The following CFAP300 variants were observed in gnomAD, a reference collection of about 807,000 sequenced individuals.
The protein encoded by CFAP300 is cilia and flagella associated protein 300, also known as cilia- and flagella-associated protein 300.
CFAP300 carries 32 observed loss-of-function variants against 33.0 expected under a neutral mutation model. The ratio of observed to expected loss-of-function variants is 0.97; its 90% CI spans 0.73 to 1.30. The LOEUF (loss-of-function observed/expected upper bound fraction) is 1.30. CFAP300 is among the 50% of genes most tolerant of loss of function. CFAP300 has a pLI of 0.00. For missense variants in CFAP300, 356 were observed against 318.1 expected, an observed-to-expected ratio of 1.12 and a Z score of -0.90; for synonymous variants, 102 against 106.8, an observed-to-expected ratio of 0.95 and a Z score of 0.28.
chr11:102,066,975 G>C (rs540588837), intron 4 of CFAP300, among the ~76,000 whole-genome samples: 2 of 152,326 alleles, frequency 1.3e-5, no homozygotes, highest in African/African-American at 4.8e-5. Flanking sequence ...GCTGAAGCAG[G>C]AAAGTCCTGG....
intron 1 of CFAP300, 58 bp from the exon 2 acceptor site, chr11:102,047,757 G>C (rs1941904370): frequency 6.3e-7 from 1 of 1,584,654 alleles, no homozygotes; most frequent in East Asian, 2.3e-5. Flanking sequence ...ATCGGTTATC[G>C]GTGCGCTCTG....
Position 102,081,276 on chromosome 11 carries a change from G to T in CFAP300, c.670G>T (p.Ala224Ser), listed in dbSNP as rs1942469153. 3 of 1,611,726 alleles carry T rather than the reference G, an allele frequency of 1.9e-6. No individual in the cohort carries two copies. The highest frequency in any genetic ancestry group is 2.5e-6 in the Non-Finnish European group (3 of 1,179,260). The change falls in exon 6 of 7, where the codon GCT becomes TCT. Residue 224 changes from alanine (A) to serine (S), a missense_variant. Ala to Ser is a moderately conservative substitution (Grantham distance 99). Coordinates refer to ENST00000434758, the MANE Select transcript of CFAP300 (RefSeq NM_032930.3). ...QITSSVFKVS[A>S]YDSAGMCYPS... ...TACCTCTTCTGTCTTTAAAGTTTCA[G>T]CTTATGTAAGTGTGAGAGAACTTTT...
intron 2 of CFAP300, among the ~76,000 whole-genome samples, chr11:102,049,379 C>T (rs576769165): frequency 2.0e-5 from 3 of 152,176 alleles, no homozygotes; most frequent in Non-Finnish European, 2.9e-5. Context: ...AATTAAGGGC[C>T]CCGCATAACC....
chr11:102,047,680 T>C lies in CFAP300; in HGVS notation c.110+100T>C, dbSNP rs547842216. The C allele has an allele frequency of 2.9e-5, 42 of 1,455,252 alleles. No individual in the cohort carries two copies. In the African/African-American group the frequency reaches 4.2e-4, roughly 15 times the overall value. 90.1% of individuals were successfully genotyped at this position (1,455,252 alleles called of 1,614,324 possible). ...GGGCCCGCGCGGGTCGGCGCCATTC[T>C]GAGTGAACCCTGAGGCTTCCTGAGT... On this transcript the variant is annotated intron_variant, in intron 1 of 6. Transcript: ENST00000434758.
In CFAP300 at chr11:102,075,923, TA is replaced by T; in HGVS notation, c.487del (p.Arg163GlufsTer24). On this transcript the variant is annotated frameshift_variant, in exon 5 of 7. Coordinates refer to ENST00000434758, the MANE Select transcript of CFAP300 (RefSeq NM_032930.3). LOFTEE classifies it high-confidence loss of function. ...EKYEIFSQPD[R>X]EEFLFCLFKH... ...AATATGAAATATTCAGCCAACCAGATAGAGAAGAGTTCCTGTTTTGTCTTTT... is the reference window on the plus strand; with the variant it reads ...AATATGAAATATTCAGCCAACCAGATGAGAAGAGTTCCTGTTTTGTCTTTT... 6.2e-7 allele frequency: 1 copy of T among 1,613,834 alleles called. No homozygotes were observed. The highest frequency in any genetic ancestry group is 8.5e-7 in the Non-Finnish European group (1 of 1,179,876).
At chr11:102,052,980 C>G (rs1941992987) in intron 2 of CFAP300, among the ~76,000 whole-genome samples, 1 of 152,234 alleles carries the variant, frequency 6.6e-6, no homozygotes, top group Non-Finnish European at 1.5e-5. Context: ...GTAATCCCAG[C>G]ACTTTGGGAG....
intron 4 of CFAP300, among the ~76,000 whole-genome samples, chr11:102,067,799 T>A (rs1942251155): frequency 6.6e-6 from 1 of 152,116 alleles, no homozygotes. Flanking sequence ...TCCAGCTACT[T>A]GGGAAGCTGA....
At chr11:102,047,953 C>G (rs1941909675) in intron 2 of CFAP300, 57 bp downstream of exon 2, 2 of 1,552,198 alleles carry the variant, frequency 1.3e-6, no homozygotes, top group African/African-American at 1.4e-5. Flanking sequence ...AACTTCCCCC[C>G]AAGTTGGCAT....
chr11:102,047,621 T>C (rs1231188299), intron 1 of CFAP300, 41 bp downstream of exon 1: 1 of 1,523,056 alleles, frequency 6.6e-7, no homozygotes, highest in South Asian at 1.2e-5. Context: ...GCCCTTGGTC[T>C]TCGCGGCTGT....
intron 3 of CFAP300, among the ~76,000 whole-genome samples, chr11:102,061,059 C>T (rs1415705807): frequency 6.6e-6 from 1 of 152,210 alleles, no homozygotes; most frequent in Non-Finnish European, 1.5e-5. Flanking sequence ...GCTCAACCCT[C>T]TCCCCATGTT....
chr11:102,059,198 T>C (rs34094892), intron 3 of CFAP300, among the ~76,000 whole-genome samples: 1 of 152,250 alleles, frequency 6.6e-6, no homozygotes, highest in Non-Finnish European at 1.5e-5. Context: ...GTATTTATTG[T>C]GTATTTTCCA....
In CFAP300 at chr11:102,066,802, G is replaced by T. The variant is rs998954185; in HGVS notation, c.435+151G>T. On this transcript the variant is annotated intron_variant, in intron 4 of 6. Coordinates refer to ENST00000434758, the MANE Select transcript of CFAP300 (RefSeq NM_032930.3). Reference sequence around the variant, plus strand: ...ATCGGTAATAATCCTAACATTGGTAGATTTCTACTTAGATGGCACTTTAAC... The same window carrying T: ...ATCGGTAATAATCCTAACATTGGTATATTTCTACTTAGATGGCACTTTAAC... The T allele has an allele frequency of 4.7e-6, 3 of 636,122 alleles. No individual in the cohort carries two copies. The African/African-American group carries it at 5.7e-5, about 12-fold the overall frequency. The allele number at this position is 636,122 out of a possible 1,614,324, so 39.4% of individuals were successfully genotyped here. A position where few individuals can be genotyped will look rare whatever the true frequency, so the allele number is the denominator to read the frequency against.
chr11:102,056,571 A>C (rs530584872), intron 2 of CFAP300, among the ~76,000 whole-genome samples: 4 of 151,858 alleles, frequency 2.6e-5, no homozygotes, highest in African/African-American at 9.7e-5. Context: ...CTTTTCCTAA[A>C]GTTTATTGGC....
intron 5 of CFAP300, among the ~76,000 whole-genome samples, chr11:102,077,592 C>T (rs150564737): frequency 1.4e-3 from 215 of 152,212 alleles, no homozygotes; most frequent in Admixed American, 2.4e-3. Flanking sequence ...TTTTTTGAGA[C>T]GGAGTCTCAC....
intron 4 of CFAP300, among the ~76,000 whole-genome samples, chr11:102,074,430 A>G (rs1942367392): frequency 1.3e-5 from 2 of 152,164 alleles, no homozygotes; most frequent in Admixed American, 1.3e-4. Context: ...ACTCCCAGCC[A>G]ATCCCAGCTC....
intron 4 of CFAP300, among the ~76,000 whole-genome samples, chr11:102,070,910 A>G (rs1024727953): frequency 2.8e-4 from 43 of 152,198 alleles, no homozygotes; most frequent in African/African-American, 1.0e-3. Flanking sequence ...ATGAGAAGAT[A>G]CTTGGTATGT....
chr11:102,076,039 TG>T lies in CFAP300; in HGVS notation c.604del (p.Val202Ter), dbSNP rs1269171103. On this transcript the variant is annotated frameshift_variant, in exon 5 of 7. Transcript: ENST00000434758. LOFTEE classifies it high-confidence loss of function. ...LETTKLIYKD[L>X]VSVRKNPQTK... ...ACAACAAAGCTTATCTATAAGGATC[TG>T]GTGAGGTAATGTTGCTAGATCACAA... 2.5e-6 allele frequency: 4 copies of T among 1,607,604 alleles called. No homozygotes were observed. In the East Asian group the frequency reaches 6.7e-5, roughly 27 times the overall value.
At chr11:102,068,824 A>G (rs1396073611) in intron 4 of CFAP300, among the ~76,000 whole-genome samples, 6 of 152,166 alleles carry the variant, frequency 3.9e-5, no homozygotes, top group African/African-American at 9.6e-5. Flanking sequence ...AAAAAATACT[A>G]TGCAGTAGGG....
Position 102,070,104 on chromosome 11 carries a change from G to C in CFAP300, c.435+3453G>C, listed in dbSNP as rs114811285. 3.4e-3 allele frequency among the ~76,000 whole-genome samples: 524 copies of C among 152,142 alleles called. 1 individual carries two copies. Among genetic ancestry groups the C allele is most frequent in the African/African-American group, 0.012 (485 of 41,496 alleles). Reference sequence around the variant, plus strand: ...AGATCTTCAGATAGTTGCAAACATGGGCCTCAATAACACATCATCATTTTC... The same window carrying C: ...AGATCTTCAGATAGTTGCAAACATGCGCCTCAATAACACATCATCATTTTC... On this transcript the variant is annotated intron_variant, in intron 4 of 6. Coordinates refer to ENST00000434758, the MANE Select transcript of CFAP300 (RefSeq NM_032930.3).
Sources: allele counts gnomAD v4.1 joint callset (sites outside exome capture counted in the v4.1 genomes callset), GRCh38; gene constraint gnomAD v4.1.1; transcripts MANE v1.5; gene names NCBI Gene and HGNC (gene_info 2026-07-23, HGNC 2026-07-21).